Variants in WDR26 observed in about 807,000 individuals in gnomAD.
The protein encoded by WDR26 is WD repeat-containing protein 26.
Under a neutral mutation model 84.1 loss-of-function variants are expected in WDR26, and 5 were observed. The observed-to-expected ratio is 0.06, with a 90% CI of 0.03 to 0.13. The LOEUF (loss-of-function observed/expected upper bound fraction) is 0.13, where lower values mean the gene tolerates loss of function less well. WDR26 is among the 10% of genes least tolerant of loss of function. The probability of loss-of-function intolerance (pLI) is 1.00; values close to 1 mark genes in which losing one functional copy is unlikely to be tolerated. For missense variants in WDR26, 642 were observed against 974.9 expected, an observed-to-expected ratio of 0.66 and a Z score of 4.55; for synonymous variants, 415 against 389.6, an observed-to-expected ratio of 1.07 and a Z score of -0.77.
At chr1:224,416,131 T>C (rs1421819989) in intron 6 of WDR26, among the ~76,000 whole-genome samples, 3 of 152,144 alleles carry the variant, frequency 2.0e-5, no homozygotes, top group African/African-American at 7.2e-5. Flanking sequence ...AGTGAAGGTT[T>C]TGTTTTAAGA....
chr1:224,433,624 C>A, intron 1 of WDR26, 60 bp downstream of exon 1: 2 of 1,224,438 alleles, frequency 1.6e-6, no homozygotes, highest in Middle Eastern at 3.2e-4. Context: ...CTTCCCCTAC[C>A]CCCCTGGAGC....
intron 1 of WDR26, 44 bp downstream of exon 1, chr1:224,433,628 CTGGAGCCTCCGT>C: frequency 1.5e-6 from 2 of 1,336,624 alleles, no homozygotes; most frequent in Non-Finnish European, 1.9e-6. Flanking sequence ...CCCTACCCCC[CTGGAGCCTCCGT>C]CCCTCGGTCT....
chr1:224,404,064 T>G (rs1673490568), intron 8 of WDR26, among the ~76,000 whole-genome samples: 1 of 152,210 alleles, frequency 6.6e-6, no homozygotes, highest in Non-Finnish European at 1.5e-5. Context: ...GCAACTGCCA[T>G]CAGAATCGAA....
rs946101792 is a variant in WDR26, at chr1:224,387,456, T to C, written c.*2379A>G. 6.6e-6 allele frequency: 1 copy of C among 152,644 alleles called. No individual in the cohort carries two copies. Among genetic ancestry groups the C allele is most frequent in the African/African-American group, 2.4e-5 (1 of 41,456 alleles). 9.5% of individuals were successfully genotyped at this position (152,644 alleles called of 1,614,324 possible). A position where few individuals can be genotyped will look rare whatever the true frequency, so the allele number is the denominator to read the frequency against. On this transcript the variant is annotated 3_prime_UTR_variant, in exon 14 of 14. Coordinates refer to ENST00000414423, the MANE Select transcript of WDR26 (RefSeq NM_001379403.1). ...GGAAAACAAACTCACCTAGCTGCTA[T>C]AGAAACCTTTGCATAGTTGTTACTC...
chr1:224,418,123 A>G, intron 6 of WDR26, 137 bp downstream of exon 6: 1 of 638,778 alleles, frequency 1.6e-6, no homozygotes, highest in East Asian at 3.2e-5. Context: ...CAATTTTCAT[A>G]GTTCCAGCTT....
At chr1:224,395,687 G>A (rs1218722608) in intron 12 of WDR26, among the ~76,000 whole-genome samples, 1 of 152,042 alleles carries the variant, frequency 6.6e-6, no homozygotes, top group African/African-American at 2.4e-5. Flanking sequence ...AGGATCACAG[G>A]GTTAAAGTGT....
At chr1:224,399,966 C>T (rs1234292249) in intron 9 of WDR26, among the ~76,000 whole-genome samples, 1 of 152,000 alleles carries the variant, frequency 6.6e-6, no homozygotes, top group Non-Finnish European at 1.5e-5. Flanking sequence ...AGAGCAAGAC[C>T]CTGTCTCTTA....
chr1:224,434,614 G>A lies in WDR26; in HGVS notation c.-209C>T. Reference sequence around the variant, plus strand: ...GGCAGCTCGGGGTGCGCGGCCCGGGGGTCGCGCCGGGGGGCGCCGCGGGGC... The same window carrying A: ...GGCAGCTCGGGGTGCGCGGCCCGGGAGTCGCGCCGGGGGGCGCCGCGGGGC... On this transcript the variant is annotated 5_prime_UTR_variant, in exon 1 of 14. Transcript: ENST00000414423. The A allele has an allele frequency of 7.2e-6, 4 of 554,152 alleles. No individual in the cohort carries two copies. Among genetic ancestry groups the A allele is most frequent in the Non-Finnish European group, 9.1e-6 (4 of 438,946 alleles). 34.3% of individuals were successfully genotyped at this position (554,152 alleles called of 1,614,324 possible). A position where few individuals can be genotyped will look rare whatever the true frequency, so the allele number is the denominator to read the frequency against.
In WDR26 at chr1:224,393,229, AATAAAG is replaced by A. The variant is rs577242334; in HGVS notation, c.2260+593_2260+598del. Reference sequence around the variant, plus strand: ...ATGCTGCAGTTTCCTTACCTCTAAAAATAAAGATAAAAATACTTCCCTTATAGGACT... The same window carrying A: ...ATGCTGCAGTTTCCTTACCTCTAAAAATAAAAATACTTCCCTTATAGGACT... On this transcript the variant is annotated intron_variant, in intron 13 of 13. Coordinates refer to ENST00000414423, the MANE Select transcript of WDR26 (RefSeq NM_001379403.1). 2.8e-3 allele frequency among the ~76,000 whole-genome samples: 429 copies of A among 152,294 alleles called. 1 individual carries two copies. The highest frequency in any genetic ancestry group is 9.5e-3 in the African/African-American group (396 of 41,564).
chr1:224,433,920 G>A lies in WDR26; in HGVS notation c.486C>T (p.Ser162=), dbSNP rs1357476260. The change falls in exon 1 of 14, where the codon TCC becomes TCT. Residue 162 remains serine (S), a synonymous_variant. Coordinates refer to ENST00000414423, the MANE Select transcript of WDR26 (RefSeq NM_001379403.1). ...TATTGTTGCTGGCGGCGGAGGGGGCGGAAGGCAGGAGCCCATTGGCGTGGG... is the reference window on the plus strand; with the variant it reads ...TATTGTTGCTGGCGGCGGAGGGGGCAGAAGGCAGGAGCCCATTGGCGTGGG... The A allele has an allele frequency of 2.0e-6, 3 of 1,536,236 alleles. No homozygotes were observed. Among genetic ancestry groups the A allele is most frequent in the Admixed American group, 2.0e-5 (1 of 50,960 alleles).
At chr1:224,407,486 C>CAT (rs35396542) in intron 7 of WDR26, among the ~76,000 whole-genome samples, 36,563 of 142,886 alleles carry the variant, frequency 0.26, 5,453 homozygotes, top group African/African-American at 0.4. Flanking sequence ...TCAAAAAGGG[C>CAT]ATATATATAT....
chr1:224,412,283 G>A (rs775684023), intron 6 of WDR26, among the ~76,000 whole-genome samples: 1 of 152,214 alleles, frequency 6.6e-6, no homozygotes, highest in Non-Finnish European at 1.5e-5. Context: ...AAGGAGTGCA[G>A]TAGTTAAGAG....
intron 7 of WDR26, among the ~76,000 whole-genome samples, 177 bp downstream of exon 7, chr1:224,411,250 G>A (rs1464838396): frequency 1.3e-5 from 2 of 152,046 alleles, no homozygotes; most frequent in Non-Finnish European, 2.9e-5. Context: ...ACTCAACAAT[G>A]TTGATAATAT....
chr1:224,406,786 A>G (rs1673578410), intron 7 of WDR26, among the ~76,000 whole-genome samples: 1 of 151,564 alleles, frequency 6.6e-6, no homozygotes, highest in African/African-American at 2.4e-5. Flanking sequence ...CCCCAGATCA[A>G]CACAAAGATT....
At chr1:224,391,714 T>C (rs1052733212) in intron 13 of WDR26, among the ~76,000 whole-genome samples, 1 of 152,288 alleles carries the variant, frequency 6.6e-6, no homozygotes, top group South Asian at 2.1e-4. Context: ...TTTTTAATAT[T>C]GATTTCTTTA....
At chr1:224,407,806 G>A (rs1244543882) in intron 7 of WDR26, among the ~76,000 whole-genome samples, 1 of 151,780 alleles carries the variant, frequency 6.6e-6, no homozygotes, top group African/African-American at 2.4e-5. Context: ...ACCGCACCCG[G>A]CCAAAAAGAA....
At chr1:224,422,197 G>A (rs1442700365) in intron 4 of WDR26, among the ~76,000 whole-genome samples, 3 of 152,144 alleles carry the variant, frequency 2.0e-5, no homozygotes, top group Non-Finnish European at 4.4e-5. Context: ...GGGACAAGCA[G>A]TGCAAATGCC....
intron 1 of WDR26, 107 bp downstream of exon 1, chr1:224,433,577 G>A (rs1674473201): frequency 1.4e-6 from 2 of 1,381,778 alleles, no homozygotes; most frequent in South Asian, 1.6e-5. Flanking sequence ...CATTCTCTTT[G>A]ACCGAGCTCT....
Position 224,387,161 on chromosome 1 carries a change from T to G in WDR26, c.*2674A>C, listed in dbSNP as rs1407832311. ...GCAAAAAGTATTGGTACTTTTCAAT[T>G]TATACATTTGTTAGTATCTTGTGGC... On this transcript the variant is annotated 3_prime_UTR_variant, in exon 14 of 14. Coordinates refer to ENST00000414423, the MANE Select transcript of WDR26 (RefSeq NM_001379403.1). 1 of 152,618 alleles carries G rather than the reference T, an allele frequency of 6.6e-6. No individual in the cohort carries two copies. Among genetic ancestry groups the G allele is most frequent in the Non-Finnish European group, 1.5e-5 (1 of 68,008 alleles). The allele number at this position is 152,618 out of a possible 1,614,324, so 9.5% of individuals were successfully genotyped here. A position where few individuals can be genotyped will look rare whatever the true frequency, so the allele number is the denominator to read the frequency against.
Sources: allele counts gnomAD v4.1 joint callset (sites outside exome capture counted in the v4.1 genomes callset), GRCh38; gene constraint gnomAD v4.1.1; transcripts MANE v1.5; gene names NCBI Gene and HGNC (gene_info 2026-07-23, HGNC 2026-07-21).